NPAS2: variants seen among roughly 807,000 people sequenced by gnomAD.
NPAS2 encodes the protein neuronal PAS domain protein 2.
In NPAS2, 23 loss-of-function variants were observed where a neutral mutation model predicts 107.5. The observed-to-expected ratio is 0.21, with a 90% CI of 0.15 to 0.30. NPAS2 has a LOEUF of 0.30. NPAS2 is among the 10% of genes least tolerant of loss of function. NPAS2 has a pLI of 1.00. For synonymous variants in NPAS2, 403 were observed against 417.5 expected (o/e 0.97, Z 0.42); for missense variants, 756 against 1,043.3 (o/e 0.72, Z 3.79).
chr2:100,954,877 G>T (rs1282796600), intron 7 of NPAS2, among the ~76,000 whole-genome samples: 11 of 146,830 alleles, frequency 7.5e-5, no homozygotes, highest in South Asian at 2.1e-4. Context: ...TGTTTTTTTT[G>T]TTTTTTTTTG....
intron 11 of NPAS2, 85 bp from the exon 12 acceptor site, chr2:100,970,905 C>CT: frequency 1.6e-6 from 2 of 1,214,956 alleles, no homozygotes; most frequent in Non-Finnish European, 2.4e-6. Flanking sequence ...TAGAGAACCT[C>CT]GATGTACCTT....
chr2:100,990,182 A>T, intron 17 of NPAS2, 74 bp from the exon 18 acceptor site: 2 of 1,355,012 alleles, frequency 1.5e-6, no homozygotes, highest in Non-Finnish European at 2.1e-6. Context: ...AGGAGGAGAC[A>T]CTGGGAGGTT....
At chr2:100,918,963 A>G (rs1263209527) in intron 2 of NPAS2, among the ~76,000 whole-genome samples, 6 of 152,250 alleles carry the variant, frequency 3.9e-5, no homozygotes, top group Non-Finnish European at 8.8e-5. Context: ...AGCTGTATTC[A>G]TAATTACCCA....
chr2:100,949,313 G>C, intron 6 of NPAS2, 54 bp from the exon 7 acceptor site: 2 of 997,344 alleles, frequency 2.0e-6, no homozygotes, highest in Non-Finnish European at 3.2e-6. Context: ...CTTGTTTAGA[G>C]TCTGTGCAAT....
chr2:100,987,334 A>G (rs1253213923), intron 16 of NPAS2: 1 of 152,272 alleles, frequency 6.6e-6, no homozygotes, highest in African/African-American at 2.4e-5. Flanking sequence ...AATTAAAACC[A>G]CCAAGCTAAT....
Position 100,995,426 on chromosome 2 carries a change from T to G in NPAS2, c.2319T>G (p.Ser773Arg). Residue 773 changes from serine (S) to arginine (R), a missense_variant, in exon 21 of 21, where the codon AGT becomes AGG. Physicochemically the swap from Ser to Arg is moderately radical, Grantham distance 110 (BLOSUM62 -1). Around this residue, in one of 4 missense-constraint regions of NPAS2, gnomAD observed 496 missense variants for 594.4 expected, o/e 0.83. Transcript: ENST00000335681. ...TACAGGCACCAACCTCTTTGCACAG[T>G]GAGCAGCAGGACTCGCTACTTCTCT... ...LQVQAPTSLH[S>R]EQQDSLLLST... is the part of the protein sequence containing the mutation. 6.2e-7 allele frequency: 1 copy of G among 1,613,686 alleles called. No individual in the cohort carries two copies. Among genetic ancestry groups the G allele is most frequent in the Non-Finnish European group, 8.5e-7 (1 of 1,179,850 alleles).
intron 1 of NPAS2, among the ~76,000 whole-genome samples, chr2:100,845,254 A>G (rs538018920): frequency 2.0e-5 from 3 of 152,272 alleles, no homozygotes; most frequent in South Asian, 2.1e-4. Context: ...GCTGATCATT[A>G]TAGTTTGGCT....
At chr2:100,957,085 G>T (rs11123856) in intron 7 of NPAS2, among the ~76,000 whole-genome samples, 3 of 152,082 alleles carry the variant, frequency 2.0e-5, no homozygotes, top group African/African-American at 7.2e-5. Flanking sequence ...ACTCCTTAGG[G>T]CTTCATCATT....
chr2:100,903,728 G>A (rs529399119), intron 1 of NPAS2, among the ~76,000 whole-genome samples: 2 of 152,198 alleles, frequency 1.3e-5, no homozygotes, highest in African/African-American at 4.8e-5. Flanking sequence ...CCCAGCCACC[G>A]CAGCCTTCAG....
intron 1 of NPAS2, among the ~76,000 whole-genome samples, chr2:100,896,293 G>T (rs942707403): frequency 4.6e-5 from 7 of 152,198 alleles, no homozygotes; most frequent in Non-Finnish European, 8.8e-5. Context: ...ATTTAAATCA[G>T]ACTGACTCTG....
chr2:100,881,317 CT>C (rs1477354817), intron 1 of NPAS2, among the ~76,000 whole-genome samples: 2 of 152,354 alleles, frequency 1.3e-5, no homozygotes, highest in East Asian at 1.9e-4. Context: ...AGCGTCTCCC[CT>C]CCCCACCCCC....
At chr2:100,887,059 A>G (rs1680740739) in intron 1 of NPAS2, among the ~76,000 whole-genome samples, 1 of 152,238 alleles carries the variant, frequency 6.6e-6, no homozygotes, top group Non-Finnish European at 1.5e-5. Flanking sequence ...GCATTTGAAC[A>G]GATTCCTTTG....
At chr2:100,893,037 C>T (rs1681178719) in intron 1 of NPAS2, among the ~76,000 whole-genome samples, 1 of 152,130 alleles carries the variant, frequency 6.6e-6, no homozygotes, top group African/African-American at 2.4e-5. Context: ...TATCTTTTCT[C>T]ACTGAATGAA....
At chr2:100,919,635 C>T (rs897538915) in intron 2 of NPAS2, among the ~76,000 whole-genome samples, 1 of 152,196 alleles carries the variant, frequency 6.6e-6, no homozygotes, top group Non-Finnish European at 1.5e-5. Context: ...CCTGTCCCCA[C>T]TCATCCAAAA....
At chr2:100,894,280 A>G (rs1681264057) in intron 1 of NPAS2, among the ~76,000 whole-genome samples, 2 of 152,208 alleles carry the variant, frequency 1.3e-5, no homozygotes, top group Admixed American at 1.3e-4. Context: ...TGTGTGAAGG[A>G]AAACCCCAGT....
At chr2:100,821,270 GA>G in intron 1 of NPAS2, 1 of 1,225,624 alleles carries the variant, frequency 8.2e-7, no homozygotes, top group South Asian at 1.4e-5. Context: ...AAGCAAGATG[GA>G]AACCTTGAAT....
chr2:100,892,439 G>C (rs1388613871), intron 1 of NPAS2, among the ~76,000 whole-genome samples: 1 of 152,006 alleles, frequency 6.6e-6, no homozygotes, highest in Non-Finnish European at 1.5e-5. Context: ...AGACACTCAT[G>C]GTAGCGTTTG....
chr2:100,886,180 G>T lies in NPAS2; in HGVS notation c.-22-18553G>T, dbSNP rs546279557. Among the ~76,000 whole-genome samples the T allele has an allele frequency of 2.0e-5, 3 of 152,294 alleles. No individual in the cohort carries two copies. In the South Asian group the frequency reaches 6.2e-4, roughly 32 times the overall value. On this transcript the variant is annotated intron_variant, in intron 1 of 20. Transcript: ENST00000335681. ...TTTGCATTGCAGAAGGCTCGTTAGTGAGGGTGGGTGGGAATCCACACTCCT... is the reference window on the plus strand; with the variant it reads ...TTTGCATTGCAGAAGGCTCGTTAGTTAGGGTGGGTGGGAATCCACACTCCT...
intron 11 of NPAS2, among the ~76,000 whole-genome samples, chr2:100,969,558 A>G (rs942366368): frequency 1.3e-5 from 2 of 152,028 alleles, no homozygotes. Flanking sequence ...GCTGCATAGT[A>G]TTCCATAAAA....
Sources: allele counts gnomAD v4.1 joint callset (sites outside exome capture counted in the v4.1 genomes callset), GRCh38; gene constraint gnomAD v4.1.1; regional missense constraint gnomAD v4.1.1; transcripts MANE v1.5; gene names NCBI Gene and HGNC (gene_info 2026-07-23, HGNC 2026-07-21).